The following MAGI2 variants were observed in gnomAD, a reference collection of about 807,000 sequenced individuals.
MAGI2 encodes membrane-associated guanylate kinase, WW and PDZ domain-containing protein 2.
MAGI2 carries 35 observed loss-of-function variants against 133.3 expected under a neutral mutation model. That is an observed-to-expected ratio of 0.26 (90% CI 0.20 to 0.35). The LOEUF (loss-of-function observed/expected upper bound fraction) is 0.35, where lower values mean the gene tolerates loss of function less well. MAGI2 is among the 10% of genes least tolerant of loss of function. The probability of loss-of-function intolerance (pLI) is 1.00; values close to 1 mark genes in which losing one functional copy is unlikely to be tolerated. For missense variants in MAGI2, 1,636 were observed against 1,863.4 expected (o/e 0.88, Z 2.25); for synonymous variants, 729 against 710.6 (o/e 1.03, Z -0.41).
intron 1 of MAGI2, among the ~76,000 whole-genome samples, chr7:79,418,587 G>T (rs1846706342): frequency 6.6e-6 from 1 of 151,922 alleles, no homozygotes; most frequent in African/African-American, 2.4e-5. Flanking sequence ...TGCCATCTTA[G>T]AACACAGGAC....
intron 2 of MAGI2, among the ~76,000 whole-genome samples, chr7:78,888,454 A>G (rs890159444): frequency 8.5e-5 from 13 of 152,228 alleles, no homozygotes; most frequent in African/African-American, 2.9e-4. Context: ...CTGACCCCTG[A>G]GTAGCCTAAC....
intron 21 of MAGI2, 128 bp from the exon 22 acceptor site, chr7:78,020,104 C>CCCCCAG (rs1185533084): frequency 1.3e-6 from 1 of 767,196 alleles, no homozygotes; most frequent in Non-Finnish European, 2.0e-6. Context: ...GCCGCCCCCA[C>CCCCCAG]CCCCACCCCC....
intron 1 of MAGI2, among the ~76,000 whole-genome samples, chr7:79,014,648 A>C (rs1231841558): frequency 6.6e-6 from 1 of 152,134 alleles, no homozygotes; most frequent in Non-Finnish European, 1.5e-5. Flanking sequence ...AAAACTAGAG[A>C]TATACCACTC....
intron 2 of MAGI2, among the ~76,000 whole-genome samples, chr7:78,794,276 A>G (rs921511126): frequency 9.2e-5 from 14 of 152,196 alleles, no homozygotes; most frequent in Admixed American, 3.3e-4. Flanking sequence ...TGGTAGTTGC[A>G]TTCTAAGAAT....
intron 2 of MAGI2, among the ~76,000 whole-genome samples, chr7:78,846,694 T>C (rs943635188): frequency 6.6e-6 from 1 of 151,962 alleles, no homozygotes; most frequent in Non-Finnish European, 1.5e-5. Context: ...TGACGATAAC[T>C]CTGCAAAAAC....
At chr7:78,694,902 A>G (rs1817341344) in intron 2 of MAGI2, among the ~76,000 whole-genome samples, 2 of 152,188 alleles carry the variant, frequency 1.3e-5, no homozygotes, top group African/African-American at 4.8e-5. Flanking sequence ...TTTTCTGGTA[A>G]TCAGAATACT....
chr7:79,193,141 C>T (rs1827812998), intron 1 of MAGI2, among the ~76,000 whole-genome samples: 1 of 151,940 alleles, frequency 6.6e-6, no homozygotes, highest in African/African-American at 2.4e-5. Flanking sequence ...ATAGGACACA[C>T]TTTCCATAAG....
chr7:79,142,731 G>A (rs540251493), intron 1 of MAGI2, among the ~76,000 whole-genome samples: 60 of 152,256 alleles, frequency 3.9e-4, no homozygotes, highest in African/African-American at 1.2e-3. Context: ...ACACTCTACC[G>A]TTAAGCATGT....
intron 6 of MAGI2, among the ~76,000 whole-genome samples, chr7:78,384,237 A>G (rs1795184261): frequency 1.3e-5 from 2 of 152,266 alleles, no homozygotes; most frequent in East Asian, 1.9e-4. Context: ...ATAATGTAAC[A>G]TATTTTGTGA....
intron 2 of MAGI2, among the ~76,000 whole-genome samples, chr7:78,660,906 G>A (rs188720146): frequency 2.7e-3 from 416 of 152,066 alleles, no homozygotes; most frequent in Non-Finnish European, 4.5e-3. Flanking sequence ...TCTGTTTATT[G>A]AAACAGCACT....
chr7:79,029,317 C>A (rs1380518713), intron 1 of MAGI2, among the ~76,000 whole-genome samples: 1 of 152,016 alleles, frequency 6.6e-6, no homozygotes, highest in African/African-American at 2.4e-5. Flanking sequence ...CTATCAATTT[C>A]ATTAATAATT....
intron 2 of MAGI2, among the ~76,000 whole-genome samples, chr7:78,673,282 T>C (rs1017574101): frequency 2.0e-5 from 3 of 151,792 alleles, no homozygotes; most frequent in Non-Finnish European, 4.4e-5. Flanking sequence ...GTGTGTATAT[T>C]CACACACACA....
At chr7:78,192,492 A>G (rs1007309731) in intron 12 of MAGI2, among the ~76,000 whole-genome samples, 4 of 151,390 alleles carry the variant, frequency 2.6e-5, no homozygotes, top group African/African-American at 9.7e-5. Flanking sequence ...AAAACTTGGA[A>G]ATGGAAACGT....
intron 2 of MAGI2, among the ~76,000 whole-genome samples, chr7:78,972,276 C>T (rs1014345150): frequency 2.6e-5 from 4 of 151,832 alleles, no homozygotes; most frequent in African/African-American, 9.7e-5. Context: ...AAAAGGAAAG[C>T]AAACCCAAAA....
At chr7:78,536,364 G>A (rs963010420) in intron 3 of MAGI2, among the ~76,000 whole-genome samples, 2 of 151,552 alleles carry the variant, frequency 1.3e-5, no homozygotes, top group South Asian at 2.1e-4. Context: ...CGCCCGCCTC[G>A]GCCTCCCAAA....
chr7:79,261,451 C>A lies in MAGI2; in HGVS notation c.301+191569G>T, dbSNP rs529054706. 3.3e-5 allele frequency among the ~76,000 whole-genome samples: 5 copies of A among 152,284 alleles called. No homozygotes were observed. The South Asian group carries it at 1.0e-3, about 32-fold the overall frequency. On this transcript the variant is annotated intron_variant, in intron 1 of 21. Transcript: ENST00000354212. ...GTCAAAGCAAATCACATAGTTCAAGCCTAAGGTTAGTGGATGGGACGTCAA... is the reference window on the plus strand; with the variant it reads ...GTCAAAGCAAATCACATAGTTCAAGACTAAGGTTAGTGGATGGGACGTCAA...
In MAGI2 at chr7:78,311,462, C is replaced by T. The variant is rs548281239; in HGVS notation, c.1408+32316G>A. 2.0e-5 allele frequency among the ~76,000 whole-genome samples: 3 copies of T among 152,280 alleles called. No individual in the cohort carries two copies. The South Asian group carries it at 6.2e-4, about 32-fold the overall frequency. Reference sequence around the variant, plus strand: ...CTGGGTAAAGAGGTGTTTCAGAATCCAGACTACAGAGGATCAAGGGGATGG... The same window carrying T: ...CTGGGTAAAGAGGTGTTTCAGAATCTAGACTACAGAGGATCAAGGGGATGG... On this transcript the variant is annotated intron_variant, in intron 9 of 21. Coordinates refer to ENST00000354212, the MANE Select transcript of MAGI2 (RefSeq NM_012301.4).
intron 2 of MAGI2, among the ~76,000 whole-genome samples, chr7:78,678,885 A>G (rs1815337724): frequency 6.6e-6 from 1 of 152,140 alleles, no homozygotes. Context: ...GAACATTGCA[A>G]AAAACAAAAA....
At chr7:78,667,646 T>C (rs1194621719) in intron 2 of MAGI2, among the ~76,000 whole-genome samples, 17 of 146,294 alleles carry the variant, frequency 1.2e-4, no homozygotes, top group Admixed American at 1.1e-3. Context: ...CAGTGTTTGG[T>C]TTTTTGTCCT....
Sources: allele counts gnomAD v4.1 joint callset (sites outside exome capture counted in the v4.1 genomes callset), GRCh38; gene constraint gnomAD v4.1.1; transcripts MANE v1.5; gene names NCBI Gene and HGNC (gene_info 2026-07-23, HGNC 2026-07-21).